EFCAB8: variants seen among roughly 807,000 people sequenced by gnomAD.
EFCAB8 encodes the protein EF-hand calcium binding domain 8.
EFCAB8 carries 100 observed loss-of-function variants against 116.3 expected under a neutral mutation model. The observed-to-expected ratio is 0.86, with a 90% confidence interval of 0.73 to 1.02. The LOEUF (loss-of-function observed/expected upper bound fraction) is 1.02. Among genes scored for constraint, EFCAB8 ranks in the 50% least tolerant of loss-of-function variants. EFCAB8 has a pLI of 0.00. For missense variants in EFCAB8, 1,320 were observed against 1,416.9 expected (o/e 0.93, Z 1.10); for synonymous variants, 558 against 567.9 (o/e 0.98, Z 0.25).
At chr20:32,860,735 TTTTA>T (rs376973003) in intron 1 of EFCAB8, among the ~76,000 whole-genome samples, 262 of 152,096 alleles carry the variant, frequency 1.7e-3, no homozygotes, top group African/African-American at 6.1e-3. Flanking sequence ...ATCTTGGTTT[TTTTA>T]TTTATTTATT....
In EFCAB8 at chr20:32,908,409, C is replaced by T. The variant is rs1986777244; in HGVS notation, c.1443C>T (p.Tyr481=). 1 of 1,249,984 alleles carries T rather than the reference C, an allele frequency of 8.0e-7. No homozygotes were observed. 77.4% of individuals were successfully genotyped at this position (1,249,984 alleles called of 1,614,324 possible). Residue 481 remains tyrosine (Y), a synonymous_variant, in exon 14 of 27, where the codon TAC becomes TAT. Transcript: ENST00000400522. ...ACAATACCCTCATCTGCAGCACCTA[C>T]TCAGTGAGTGCTGTCCCAGGAGGGA... is the stretch of plus-strand genomic sequence containing the variant. ...EKDNTLICST[Y]SIGILKGYLE... is the part of the protein sequence containing the mutation.
At position 32,930,450 on chromosome 20, in the gene EFCAB8, G is replaced by T; in HGVS notation, c.2465G>T (p.Ser822Ile). 6.4e-7 allele frequency: 1 copy of T among 1,551,850 alleles called. No individual in the cohort carries two copies. The highest frequency in any genetic ancestry group is 8.7e-7 in the Non-Finnish European group (1 of 1,147,042). Residue 822 changes from serine (S) to isoleucine (I), a missense_variant, in exon 21 of 27, where the codon AGC (serine) becomes ATC (isoleucine). Physicochemically the swap from Ser to Ile is moderately radical, Grantham distance 142. Coordinates refer to ENST00000400522, the MANE Select transcript of EFCAB8 (RefSeq NM_001143967.2). ...PRLPHTAALL[S>I]SCMDGYIYAW... ...CTGCCGCACACGGCTGCCCTGCTGA[G>T]CAGCTGCATGGACGGCTACATCTAC... is the stretch of plus-strand genomic sequence containing the variant.
At chr20:32,886,213 T>C (rs1985622167) in intron 6 of EFCAB8, among the ~76,000 whole-genome samples, 1 of 152,224 alleles carries the variant, frequency 6.6e-6, no homozygotes, top group South Asian at 2.1e-4. Flanking sequence ...AGTGCTTCTT[T>C]ACAGTCCTTT....
In EFCAB8 at chr20:32,907,004, G is replaced by A. The variant is rs371834145; in HGVS notation, c.1308+10G>A. On this transcript the variant is annotated intron_variant, in intron 13 of 26. Coordinates refer to ENST00000400522, the MANE Select transcript of EFCAB8 (RefSeq NM_001143967.2). ...TGTCTCCAAGGACAAGGTCCGCCCC[G>A]ACGGTCCGCCTGACTCCTTCTGTTC... 67 of 1,495,248 alleles carry A rather than the reference G, an allele frequency of 4.5e-5. No homozygotes were observed. In the African/African-American group the frequency reaches 6.7e-4, roughly 15 times the overall value. 92.6% of individuals were successfully genotyped at this position (1,495,248 alleles called of 1,614,324 possible).
At chr20:32,885,671 A>G in intron 6 of EFCAB8, 31 bp downstream of exon 6, 6 of 1,549,348 alleles carry the variant, frequency 3.9e-6, no homozygotes, top group Non-Finnish European at 5.2e-6. Flanking sequence ...TGGTGCACAC[A>G]TGGGTGATTG....
chr20:32,948,564 GAAAGAAAGAAAGA>G (rs1568947113), intron 23 of EFCAB8, among the ~76,000 whole-genome samples: 3 of 145,094 alleles, frequency 2.1e-5, no homozygotes, highest in African/African-American at 8.1e-5. Context: ...AAGAAAGAAA[GAAAGAAAGAAAGA>G]AAGAAAAGAA....
At chr20:32,866,859 C>CTCTT (rs1278854835) in intron 2 of EFCAB8, among the ~76,000 whole-genome samples, 3 of 138,358 alleles carry the variant, frequency 2.2e-5, no homozygotes, top group Non-Finnish European at 4.6e-5. Flanking sequence ...CTTTCTCTCT[C>CTCTT]TCTTTCTTTC....
intron 2 of EFCAB8, among the ~76,000 whole-genome samples, chr20:32,866,391 G>GT (rs1047938922): frequency 5.3e-5 from 8 of 152,066 alleles, no homozygotes; most frequent in African/African-American, 1.9e-4. Flanking sequence ...AATTATCCAC[G>GT]TTAGAGTCTT....
intron 20 of EFCAB8, among the ~76,000 whole-genome samples, chr20:32,927,202 A>T (rs1448185575): frequency 6.6e-6 from 1 of 152,214 alleles, no homozygotes; most frequent in African/African-American, 2.4e-5. Flanking sequence ...TACAAAAGTC[A>T]CCAGAACTTA....
chr20:32,933,124 G>C (rs1466240839), intron 22 of EFCAB8, among the ~76,000 whole-genome samples: 4 of 152,172 alleles, frequency 2.6e-5, no homozygotes. Context: ...AGATGAGGAA[G>C]TAATGAAACT....
chr20:32,955,817 C>T (rs563205796), intron 23 of EFCAB8, among the ~76,000 whole-genome samples: 2 of 152,280 alleles, frequency 1.3e-5, no homozygotes, highest in East Asian at 3.9e-4. Context: ...AGGGAAAAAG[C>T]TGTTTCTCTA....
intron 5 of EFCAB8, among the ~76,000 whole-genome samples, 180 bp from the exon 6 acceptor site, chr20:32,885,324 TC>T (rs1985559003): frequency 6.6e-6 from 1 of 152,154 alleles, no homozygotes; most frequent in South Asian, 2.1e-4. Flanking sequence ...CTGTTGATGA[TC>T]CAGTAGAAAC....
chr20:32,862,587 G>A (rs188157306), intron 1 of EFCAB8, among the ~76,000 whole-genome samples: 2 of 152,122 alleles, frequency 1.3e-5, no homozygotes, highest in Admixed American at 1.3e-4. Flanking sequence ...GCATTCTTGG[G>A]TACCGTTCAG....
intron 6 of EFCAB8, among the ~76,000 whole-genome samples, chr20:32,886,386 C>T (rs184600553): frequency 1.4e-4 from 21 of 152,264 alleles, no homozygotes; most frequent in Admixed American, 1.1e-3. Flanking sequence ...TCGCCAGGGC[C>T]GTCCAGAATC....
intron 3 of EFCAB8, 112 bp downstream of exon 3, chr20:32,867,859 G>A: frequency 2.4e-6 from 3 of 1,241,762 alleles, no homozygotes; most frequent in Non-Finnish European, 3.3e-6. Flanking sequence ...TTTTGTTTTT[G>A]AGACAGGATA....
At position 32,918,639 on chromosome 20, in the gene EFCAB8, CTG is replaced by C. The variant is rs530644740; in HGVS notation, c.2274+75_2274+76del. The C allele has an allele frequency of 1.1e-3, 1,646 of 1,444,910 alleles. 3 individuals carry two copies. Among genetic ancestry groups the C allele is most frequent in the Non-Finnish European group, 1.2e-3 (1,302 of 1,054,552 alleles). The allele number at this position is 1,444,910 out of a possible 1,614,324, so 89.5% of individuals were successfully genotyped here. ...CTAGCCGCCGGCGTTCACACACCGTCTGTGTGTGTGTTTTCTTATTGGGATGT... is the reference window on the plus strand; with the variant it reads ...CTAGCCGCCGGCGTTCACACACCGTCTGTGTGTGTTTTCTTATTGGGATGT... On this transcript the variant is annotated intron_variant, in intron 19 of 26. Transcript: ENST00000400522.
intron 6 of EFCAB8, among the ~76,000 whole-genome samples, chr20:32,889,051 C>A (rs1053305849): frequency 6.6e-6 from 1 of 152,070 alleles, no homozygotes; most frequent in Non-Finnish European, 1.5e-5. Flanking sequence ...TTTGATAGAA[C>A]TGTGAGACTG....
chr20:32,876,316 G>A (rs1013313699), intron 4 of EFCAB8, among the ~76,000 whole-genome samples: 9 of 152,206 alleles, frequency 5.9e-5, no homozygotes, highest in Non-Finnish European at 1.2e-4. Context: ...CCTGCCACGC[G>A]GCTGTGGTGC....
chr20:32,908,474 C>G (rs1264655248), intron 14 of EFCAB8, 62 bp downstream of exon 14: 1 of 1,247,752 alleles, frequency 8.0e-7, no homozygotes, highest in South Asian at 4.1e-5. Context: ...GGGTCTGAAT[C>G]CCATGGGACA....
Sources: gnomAD v4.1 joint callset for allele counts (sites outside exome capture counted in the v4.1 genomes callset) on GRCh38, gnomAD v4.1.1 for gene constraint, MANE v1.5 for transcripts, NCBI Gene and HGNC (gene_info 2026-07-23, HGNC 2026-07-21) for gene names.